The following CNIH3 variants were observed in gnomAD, a reference collection of about 807,000 sequenced individuals.
CNIH3 encodes the protein cornichon family AMPA receptor auxiliary protein 3, also known as protein cornichon homolog 3.
In CNIH3, 14 loss-of-function variants were observed where a neutral mutation model predicts 24.1. The observed-to-expected ratio is 0.58, with a 90% CI of 0.38 to 0.91. The LOEUF (loss-of-function observed/expected upper bound fraction) is 0.91, where lower values mean the gene tolerates loss of function less well. CNIH3 is among the 40% of genes least tolerant of loss of function. The probability of loss-of-function intolerance (pLI) is 0.00; values close to 1 mark genes in which losing one functional copy is unlikely to be tolerated. For synonymous variants in CNIH3, 68 were observed against 73.8 expected (o/e 0.92, Z 0.40); for missense variants, 178 against 196.8 (o/e 0.90, Z 0.57).
Position 224,648,917 on chromosome 1 carries a change from C to T in CNIH3, c.81+31662C>T, listed in dbSNP as rs185750718. Among the ~76,000 whole-genome samples, 82 of 152,286 alleles carry T rather than the reference C, an allele frequency of 5.4e-4. No individual in the cohort carries two copies. In the East Asian group the frequency reaches 7.5e-3, roughly 14 times the overall value. ...CTTAGCAGAGAGGGAAATGGAAGAC[C>T]CAGAAGGTATGATTTATCCTGAGTT... On this transcript the variant is annotated intron_variant, in intron 1 of 5. Transcript: ENST00000272133.
intron 1 of CNIH3, among the ~76,000 whole-genome samples, chr1:224,493,466 C>T (rs548594274): frequency 2.0e-5 from 3 of 152,162 alleles, no homozygotes; most frequent in South Asian, 4.1e-4. Flanking sequence ...GTAGTTTCAA[C>T]CTACCCCGAG....
rs561041187 is a variant in CNIH3 at position 224,632,236 on chromosome 1, A to G, written c.81+14981A>G. Among the ~76,000 whole-genome samples the G allele has an allele frequency of 1.2e-4, 18 of 152,324 alleles. No homozygotes were observed. The South Asian group carries it at 3.5e-3, about 30-fold the overall frequency. ...TGTGGATGTGGATGAGGAGCTACAT[A>G]TCCGGGCCTCTATGTCTCCCTATGG... On this transcript the variant is annotated intron_variant, in intron 1 of 5. Coordinates refer to ENST00000272133, the MANE Select transcript of CNIH3 (RefSeq NM_152495.2).
At chr1:224,589,761 A>G (rs1160443546), downstream of CNIH3, among the ~76,000 whole-genome samples, 1 of 152,222 alleles carries the variant, frequency 6.6e-6, no homozygotes, top group Non-Finnish European at 1.5e-5. Flanking sequence ...GGGATTGAGA[A>G]AGGAAAAGTG....
At chr1:224,734,050 A>C (rs977510519) in intron 4 of CNIH3, among the ~76,000 whole-genome samples, 3 of 152,214 alleles carry the variant, frequency 2.0e-5, no homozygotes, top group Non-Finnish European at 4.4e-5. Context: ...CTCCCGACAG[A>C]TGGCTGATGT....
Position 224,458,738 on chromosome 1 carries a change from C to T in CNIH3, n.203+23876C>T, listed in dbSNP as rs1478994941. On this transcript the variant is annotated intron_variant and non_coding_transcript_variant, in intron 1 of 5. Transcript: ENST00000471578. This position sits in a 1 kb window ranked among gnomAD's most constrained non-coding sequence, Gnocchi z 4.3. Reference sequence around the variant, plus strand: ...GTCTTGCTTGGATCCACCCACATACCCAAATCACCATGGGTATCAGACACA... The same window carrying T: ...GTCTTGCTTGGATCCACCCACATACTCAAATCACCATGGGTATCAGACACA... Among the ~76,000 whole-genome samples the T allele has an allele frequency of 6.6e-6, 1 of 152,116 alleles. No homozygotes were observed. Among genetic ancestry groups the T allele is most frequent in the Admixed American group, 6.5e-5 (1 of 15,276 alleles).
intron 2 of CNIH3, among the ~76,000 whole-genome samples, chr1:224,523,109 T>C (rs184677695): frequency 2.0e-5 from 3 of 152,176 alleles, no homozygotes; most frequent in Admixed American, 2.0e-4. Flanking sequence ...CATGGTACTG[T>C]GTACTTGTAG....
At position 224,479,314 on chromosome 1, in the gene CNIH3, C is replaced by T. The variant is rs201713192; in HGVS notation, n.204-36427C>T. ...GATTAGAGGCATGCGTCACCACGCC[C>T]GGCTAATTTTATATTTTTTAGTAGA... On this transcript the variant is annotated intron_variant and non_coding_transcript_variant, in intron 1 of 5. Coordinates refer to the CNIH3 transcript ENST00000471578. Among the ~76,000 whole-genome samples the T allele has an allele frequency of 5.1e-4, 78 of 152,030 alleles. No individual in the cohort carries two copies. The East Asian group carries it at 0.012, about 24-fold the overall frequency.
intron 1 of CNIH3, among the ~76,000 whole-genome samples, chr1:224,497,955 A>G (rs541797036): frequency 2.6e-5 from 4 of 152,306 alleles, no homozygotes; most frequent in African/African-American, 9.6e-5. Flanking sequence ...CACATTAATC[A>G]TATTAGGGTA....
rs550678780 is a variant in CNIH3 at position 224,490,113 on chromosome 1, T to C, written n.204-25628T>C. Among the ~76,000 whole-genome samples, 548 of 152,302 alleles carry C rather than the reference T, an allele frequency of 3.6e-3. 4 individuals are homozygous for C. Among genetic ancestry groups the C allele is most frequent in the African/African-American group, 0.012 (515 of 41,552 alleles). ...AAGCAACTTTATTTGTAGTGAGTGT[T>C]GCAAGGGAATCCAGGCTTTAGAAAG... On this transcript the variant is annotated intron_variant and non_coding_transcript_variant, in intron 1 of 5. Transcript: ENST00000471578.
chr1:224,678,735 A>G (rs1324418513), intron 1 of CNIH3, among the ~76,000 whole-genome samples: 1 of 151,940 alleles, frequency 6.6e-6, no homozygotes, highest in Non-Finnish European at 1.5e-5. Context: ...AATAGCTACT[A>G]GATAGATAAG....
rs148244170 is a variant in CNIH3, at chr1:224,456,287, T to C, written n.203+21425T>C. Among the ~76,000 whole-genome samples, 30 of 152,324 alleles carry C rather than the reference T, an allele frequency of 2.0e-4. No homozygotes were observed. The East Asian group carries it at 5.4e-3, about 27-fold the overall frequency. ...ACGTTCCATCCACAAAAAGCTCCAG[T>C]GTGTAGGGGGTCTGAATCCTGTCTG... On this transcript the variant is annotated intron_variant and non_coding_transcript_variant, in intron 1 of 5. Transcript: ENST00000471578.
At chr1:224,710,724 T>A (rs1488044991) in intron 3 of CNIH3, among the ~76,000 whole-genome samples, 1 of 152,236 alleles carries the variant, frequency 6.6e-6, no homozygotes, top group Non-Finnish European at 1.5e-5. Flanking sequence ...CCCTGTGATT[T>A]GAGATCCTCA....
upstream of CNIH3, among the ~76,000 whole-genome samples, chr1:224,511,068 G>A (rs547637971): frequency 3.3e-5 from 5 of 152,344 alleles, no homozygotes; most frequent in African/African-American, 1.2e-4. Context: ...TGAAGAAAGG[G>A]AGGCTGACCT....
At chr1:224,564,023 T>A (rs1272008293) in intron 3 of CNIH3, among the ~76,000 whole-genome samples, 6 of 152,206 alleles carry the variant, frequency 3.9e-5, no homozygotes, top group Admixed American at 1.3e-4. Context: ...TGGAAAGGAA[T>A]AGGTCCCCAC....
intron 1 of CNIH3, among the ~76,000 whole-genome samples, chr1:224,489,367 T>C (rs1345563494): frequency 6.6e-6 from 1 of 152,200 alleles, no homozygotes; most frequent in Non-Finnish European, 1.5e-5. Flanking sequence ...CACTTTGCTT[T>C]CCAGCATCTA....
At chr1:224,560,408 C>G (rs1299058953) in intron 3 of CNIH3, among the ~76,000 whole-genome samples, 1 of 152,068 alleles carries the variant, frequency 6.6e-6, no homozygotes, top group Non-Finnish European at 1.5e-5. Flanking sequence ...TAATCAGGAC[C>G]CTCCAACCCC....
At chr1:224,673,740 G>A (rs1399137392) in intron 1 of CNIH3, among the ~76,000 whole-genome samples, 1 of 151,812 alleles carries the variant, frequency 6.6e-6, no homozygotes, top group Admixed American at 6.6e-5. Context: ...GGGACCTTCT[G>A]TTCTTTCTCA....
chr1:224,569,677 A>G (rs1452415668), intron 4 of CNIH3, among the ~76,000 whole-genome samples: 1 of 152,154 alleles, frequency 6.6e-6, no homozygotes, highest in African/African-American at 2.4e-5. Context: ...CATCATAGCC[A>G]ACACCTGATT....
chr1:224,473,694 T>C (rs1324222858), intron 1 of CNIH3, among the ~76,000 whole-genome samples: 1 of 151,988 alleles, frequency 6.6e-6, no homozygotes, highest in Non-Finnish European at 1.5e-5. Flanking sequence ...GAGACAACAA[T>C]AGCTGGAAAC....
Sources: allele counts gnomAD v4.1 joint callset (sites outside exome capture counted in the v4.1 genomes callset), GRCh38; gene constraint gnomAD v4.1.1; non-coding constraint Gnocchi (gnomAD v3.1); transcripts MANE v1.5; gene names NCBI Gene and HGNC (gene_info 2026-07-23, HGNC 2026-07-21).